Variants in CCPG1 observed in about 807,000 individuals in gnomAD.
CCPG1 encodes cell cycle progression 1, also known as cell cycle progression protein 1.
Under a neutral mutation model 81.3 loss-of-function variants are expected in CCPG1, and 46 were observed. The ratio of observed to expected loss-of-function variants is 0.57; its 90% CI spans 0.45 to 0.72. The LOEUF (loss-of-function observed/expected upper bound fraction) is 0.72. CCPG1 is among the 30% of genes least tolerant of loss of function. The pLI is 0.00. For missense variants in CCPG1, 902 were observed against 937.6 expected, an observed-to-expected ratio of 0.96 and a Z score of 0.50; for synonymous variants, 330 against 305.2, an observed-to-expected ratio of 1.08 and a Z score of -0.85.
At chr15:55,404,412 T>C (rs2057179016) in intron 1 of CCPG1, among the ~76,000 whole-genome samples, 1 of 152,084 alleles carries the variant, frequency 6.6e-6, no homozygotes, top group Non-Finnish European at 1.5e-5. Context: ...GAAAGCAAAA[T>C]GTGGGCTAAT....
intron 2 of CCPG1, among the ~76,000 whole-genome samples, chr15:55,387,593 G>A (rs1464335652): frequency 1.3e-5 from 2 of 151,228 alleles, no homozygotes; most frequent in Admixed American, 6.6e-5. Context: ...TGCCCAGGCT[G>A]GAGTGCAATG....
Position 55,371,986 on chromosome 15 carries a change from G to A in CCPG1, c.513C>T (p.Pro171=), listed in dbSNP as rs751089491. 12 of 1,613,982 alleles carry A rather than the reference G, an allele frequency of 7.4e-6. No individual in the cohort carries two copies. ...CACGGCGTCGTCTAAAGGCAGGACT[G>A]GGCTGATTACTGGTTTCATCACTAC... ...ESSSDETSNQ[P]SPAFRRRRAR... The change falls in exon 6 of 9, where the codon CCC becomes CCT. Residue 171 remains proline (P), a synonymous_variant. Transcript: ENST00000442196.
chr15:55,402,613 G>C (rs913133185), intron 1 of CCPG1, among the ~76,000 whole-genome samples: 7 of 152,180 alleles, frequency 4.6e-5, no homozygotes, highest in Non-Finnish European at 7.3e-5. Flanking sequence ...TCAAGGGTCA[G>C]ATCCTCTCAT....
intron 7 of CCPG1, among the ~76,000 whole-genome samples, chr15:55,361,838 G>T (rs927903655): frequency 5.9e-5 from 9 of 152,090 alleles, no homozygotes; most frequent in Non-Finnish European, 1.2e-4. Context: ...AAACATTTTA[G>T]TCCTATGCAA....
intron 1 of CCPG1, chr15:55,407,810 C>A (rs1316131506): frequency 6.6e-6 from 1 of 152,306 alleles, no homozygotes; most frequent in African/African-American, 2.4e-5. Context: ...GACAGGCTGG[C>A]ATTAAACCCG....
chr15:55,365,346 A>C (rs1326173724), intron 6 of CCPG1, 37 bp from the exon 7 acceptor site: 1 of 1,203,492 alleles, frequency 8.3e-7, no homozygotes, highest in Admixed American at 2.2e-5. Flanking sequence ...ATGTAACAAA[A>C]ATATTATCAT....
At chr15:55,372,898 G>C (rs760352879) in intron 5 of CCPG1, 2 of 522,900 alleles carry the variant, frequency 3.8e-6, no homozygotes, top group Admixed American at 2.0e-5. Flanking sequence ...CCATGATCAA[G>C]GTTCAAAGCA....
intron 1 of CCPG1, among the ~76,000 whole-genome samples, chr15:55,406,054 G>A (rs568814578): frequency 3.3e-5 from 5 of 152,156 alleles, no homozygotes; most frequent in African/African-American, 7.2e-5. Flanking sequence ...TAGTAGAGAC[G>A]GGGTTTTGCC....
chr15:55,389,821 G>A (rs1169296982), intron 1 of CCPG1, among the ~76,000 whole-genome samples: 1 of 152,208 alleles, frequency 6.6e-6, no homozygotes, highest in Non-Finnish European at 1.5e-5. Flanking sequence ...AAACATGACT[G>A]CAGAAACTGA....
At chr15:55,371,623 G>A (rs2056450853) in intron 6 of CCPG1, among the ~76,000 whole-genome samples, 170 bp downstream of exon 6, 1 of 152,130 alleles carries the variant, frequency 6.6e-6, no homozygotes, top group Admixed American at 6.5e-5. Flanking sequence ...AGCTTTGTGA[G>A]ATAGGCAGCA....
At chr15:55,376,364 A>C (rs2056565398) in intron 5 of CCPG1, among the ~76,000 whole-genome samples, 1 of 152,216 alleles carries the variant, frequency 6.6e-6, no homozygotes, top group Admixed American at 6.5e-5. Flanking sequence ...TGTCTGTACA[A>C]CGGGCATTGA....
chr15:55,389,504 C>T, intron 1 of CCPG1, 71 bp from the exon 2 acceptor site: 1 of 1,061,292 alleles, frequency 9.4e-7, no homozygotes, highest in Middle Eastern at 2.0e-4. Flanking sequence ...CTATATGTGA[C>T]ACTAAGTTTG....
chr15:55,375,300 G>C (rs1269202248), intron 5 of CCPG1, among the ~76,000 whole-genome samples: 1 of 152,040 alleles, frequency 6.6e-6, no homozygotes, highest in Non-Finnish European at 1.5e-5. Flanking sequence ...GTCTATGTCA[G>C]TTTCTTATAT....
Position 55,378,395 on chromosome 15 carries a change from C to G in CCPG1, c.176-19G>C, listed in dbSNP as rs1383057484. Reference sequence around the variant, plus strand: ...CTGCTTTCTGATATAAAGCAAAGATCAATATAATTATTTCTTAATTTAAAA... The same window carrying G: ...CTGCTTTCTGATATAAAGCAAAGATGAATATAATTATTTCTTAATTTAAAA... On this transcript the variant is annotated intron_variant, in intron 3 of 8. Transcript: ENST00000442196. 1 of 1,507,278 alleles carries G rather than the reference C, an allele frequency of 6.6e-7. No individual in the cohort carries two copies. Among genetic ancestry groups the G allele is most frequent in the East Asian group, 2.3e-5 (1 of 44,202 alleles). 93.4% of individuals were successfully genotyped at this position (1,507,278 alleles called of 1,614,324 possible). A position where few individuals can be genotyped will look rare whatever the true frequency, so the allele number is the denominator to read the frequency against.
At position 55,356,031 on chromosome 15, in the gene CCPG1, C is replaced by A; in HGVS notation, c.*189G>T. ...TCAAAAAAAATTCAACGAAGCTAAA[C>A]TACAGGAAAATGCAGGTTAGTAGAC... On this transcript the variant is annotated 3_prime_UTR_variant, in exon 9 of 9. Transcript: ENST00000442196. 1 of 538,100 alleles carries A rather than the reference C, an allele frequency of 1.9e-6. No individual in the cohort carries two copies. The highest frequency in any genetic ancestry group is 3.2e-6 in the Non-Finnish European group (1 of 315,974). 33.3% of individuals were successfully genotyped at this position (538,100 alleles called of 1,614,324 possible). A position where few individuals can be genotyped will look rare whatever the true frequency, so the allele number is the denominator to read the frequency against.
At chr15:55,401,432 C>T (rs901100487) in intron 1 of CCPG1, among the ~76,000 whole-genome samples, 3 of 152,084 alleles carry the variant, frequency 2.0e-5, no homozygotes, top group East Asian at 1.9e-4. Context: ...TTTGGGAGGC[C>T]GAGGCGGGTG....
rs1464980672 is a variant in CCPG1 at position 55,389,345 on chromosome 15, A to T, written c.60+20T>A. 7.9e-6 allele frequency: 12 copies of T among 1,521,156 alleles called. No homozygotes were observed. The highest frequency in any genetic ancestry group is 1.1e-5 in the Non-Finnish European group (12 of 1,097,210). The allele number at this position is 1,521,156 out of a possible 1,614,324, so 94.2% of individuals were successfully genotyped here. ...CATTAATATTACAAATTACCTTATA[A>T]AAAGTATTAAATATCATACCTCATG... is the stretch of plus-strand genomic sequence containing the variant. On this transcript the variant is annotated intron_variant, in intron 2 of 8. Coordinates refer to ENST00000442196, the MANE Select transcript of CCPG1 (RefSeq NM_001204450.2).
At position 55,386,698 on chromosome 15, in the gene CCPG1, T is replaced by C. The variant is rs146230148; in HGVS notation, c.61-984A>G. Among the ~76,000 whole-genome samples the C allele has an allele frequency of 6.0e-3, 916 of 151,642 alleles. 4 individuals carry two copies. Among genetic ancestry groups the C allele is most frequent in the Non-Finnish European group, 0.01 (700 of 67,886 alleles). On this transcript the variant is annotated intron_variant, in intron 2 of 8. Coordinates refer to ENST00000442196, the MANE Select transcript of CCPG1 (RefSeq NM_001204450.2). ...TCACGAGGTCAGGAGATCGAGACCATCCTGGCTAACACGGTGAAACCCCAT... is the reference window on the plus strand; with the variant it reads ...TCACGAGGTCAGGAGATCGAGACCACCCTGGCTAACACGGTGAAACCCCAT...
intron 5 of CCPG1, among the ~76,000 whole-genome samples, chr15:55,374,562 G>A (rs921645984): frequency 2.6e-5 from 4 of 151,974 alleles, no homozygotes; most frequent in Non-Finnish European, 4.4e-5. Flanking sequence ...ATGAAGAAAG[G>A]GAAAGGAAAA....
Sources: allele counts gnomAD v4.1 joint callset (sites outside exome capture counted in the v4.1 genomes callset), GRCh38; gene constraint gnomAD v4.1.1; transcripts MANE v1.5; gene names NCBI Gene and HGNC (gene_info 2026-07-23, HGNC 2026-07-21).